Variants in COL23A1 observed in about 807,000 individuals in gnomAD.
COL23A1 encodes collagen type XXIII alpha 1 chain, also known as collagen alpha-1(XXIII) chain.
A neutral mutation model predicts 99.3 loss-of-function variants in COL23A1; 97 were observed. The ratio of observed to expected loss-of-function variants is 0.98; its 90% confidence interval spans 0.83 to 1.16. The LOEUF is 1.16. Ranked by LOEUF, COL23A1 falls within the 50% of genes most tolerant of loss-of-function variation. COL23A1 has a pLI of 0.00. For synonymous variants in COL23A1, 320 were observed against 308.2 expected (o/e 1.04, Z -0.40); for missense variants, 762 against 757.4 (o/e 1.01, Z -0.07).
At chr5:178,275,004 C>G (rs550887133) in intron 5 of COL23A1, among the ~76,000 whole-genome samples, 162 of 152,358 alleles carry the variant, frequency 1.1e-3, no homozygotes, top group African/African-American at 3.8e-3. Context: ...GTGTGAGAAA[C>G]AAACAAAGCT....
chr5:178,418,881 T>C (rs908379167), intron 2 of COL23A1, among the ~76,000 whole-genome samples: 3 of 152,150 alleles, frequency 2.0e-5, no homozygotes, highest in African/African-American at 7.2e-5. Context: ...ATGCAAAGAC[T>C]AGGATCATGC....
At chr5:178,316,862 A>C (rs1759009219) in intron 2 of COL23A1, among the ~76,000 whole-genome samples, 1 of 151,990 alleles carries the variant, frequency 6.6e-6, no homozygotes, top group Non-Finnish European at 1.5e-5. Context: ...AAAAAAAAAA[A>C]CGTTGCTTGG....
At chr5:178,582,020 A>G (rs1453736990) in intron 1 of COL23A1, among the ~76,000 whole-genome samples, 1 of 151,988 alleles carries the variant, frequency 6.6e-6, no homozygotes, top group Non-Finnish European at 1.5e-5. Flanking sequence ...ATCAAGACAT[A>G]GCTTGGTTAT....
chr5:178,319,398 AT>A (rs542828433), intron 2 of COL23A1, among the ~76,000 whole-genome samples: 76 of 148,898 alleles, frequency 5.1e-4, no homozygotes, highest in East Asian at 2.9e-3. Context: ...GAAAAGCTCT[AT>A]TTTTTTTTTT....
At chr5:178,421,170 A>G (rs1478467340) in intron 2 of COL23A1, among the ~76,000 whole-genome samples, 6 of 152,210 alleles carry the variant, frequency 3.9e-5, no homozygotes, top group Non-Finnish European at 5.9e-5. Flanking sequence ...TTGAAGTGCA[A>G]TATCAGTAAA....
chr5:178,315,762 CTTTTTTT>C lies in COL23A1; in HGVS notation c.362-8850_362-8844del, dbSNP rs34604670. Among the ~76,000 whole-genome samples the C allele has an allele frequency of 9.1e-3, 882 of 96,750 alleles. 8 individuals are homozygous for C. The highest frequency in any genetic ancestry group is 0.016 in the Admixed American group (136 of 8,426). The allele number at this position is 96,750 out of a possible 152,430, so 63.5% of individuals were successfully genotyped here. On this transcript the variant is annotated intron_variant, in intron 2 of 28. Coordinates refer to ENST00000390654, the MANE Select transcript of COL23A1 (RefSeq NM_173465.4). ...CAACGTTTTCTAGTAGAAGCACTGACTTTTTTTTTTTTTTTTTTTTTTCAAGACAAAT... is the reference window on the plus strand; with the variant it reads ...CAACGTTTTCTAGTAGAAGCACTGACTTTTTTTTTTTTTTTCAAGACAAAT...
chr5:178,358,095 T>G (rs903616966), intron 2 of COL23A1, among the ~76,000 whole-genome samples: 9 of 151,228 alleles, frequency 6.0e-5, no homozygotes, highest in Non-Finnish European at 1.2e-4. Flanking sequence ...CGTGTGTAGG[T>G]CTAATGTGTG....
chr5:178,567,123 A>C (rs930124565), intron 1 of COL23A1, among the ~76,000 whole-genome samples: 1 of 152,216 alleles, frequency 6.6e-6, no homozygotes, highest in African/African-American at 2.4e-5. Flanking sequence ...TGTTCTGTAC[A>C]CAGATAGATA....
Position 178,246,311 on chromosome 5 carries a change from G to T in COL23A1, c.1360-4C>A. The T allele has an allele frequency of 6.4e-7, 1 of 1,556,810 alleles. No homozygotes were observed. The highest frequency in any genetic ancestry group is 8.7e-7 in the Non-Finnish European group (1 of 1,149,382). ...GGCCCGGTGGGCCAACTGGCCCCTG[G>T]ATAGAAAAGGAATGAGTCAAGAGGC... On this transcript the variant is annotated splice_region_variant and splice_polypyrimidine_tract_variant and intron_variant, in intron 23 of 28. Coordinates refer to ENST00000390654, the MANE Select transcript of COL23A1 (RefSeq NM_173465.4).
chr5:178,341,217 C>T (rs145632497), intron 2 of COL23A1, among the ~76,000 whole-genome samples: 44 of 152,332 alleles, frequency 2.9e-4, no homozygotes, highest in African/African-American at 9.6e-4. Flanking sequence ...CTTGAACTTC[C>T]GGGCTCAAGC....
At chr5:178,410,298 A>G (rs1764992772) in intron 2 of COL23A1, among the ~76,000 whole-genome samples, 1 of 152,232 alleles carries the variant, frequency 6.6e-6, no homozygotes, top group African/African-American at 2.4e-5. Flanking sequence ...ATCACTTCCC[A>G]AAGCAATCTA....
At chr5:178,287,647 T>C (rs1213609749) in intron 5 of COL23A1, among the ~76,000 whole-genome samples, 1 of 152,204 alleles carries the variant, frequency 6.6e-6, no homozygotes, top group Non-Finnish European at 1.5e-5. Context: ...CTTCCTGCCC[T>C]GGAGGCACAA....
chr5:178,441,248 C>T (rs147485945), intron 2 of COL23A1, among the ~76,000 whole-genome samples: 1 of 152,260 alleles, frequency 6.6e-6, no homozygotes, highest in African/African-American at 2.4e-5. Context: ...CAGACCACAC[C>T]CTACAGTTAA....
At chr5:178,354,587 G>A (rs1364532852) in intron 2 of COL23A1, among the ~76,000 whole-genome samples, 1 of 152,114 alleles carries the variant, frequency 6.6e-6, no homozygotes, top group Non-Finnish European at 1.5e-5. Context: ...CGATCTGGCT[G>A]TTTAAAAATG....
intron 3 of COL23A1, among the ~76,000 whole-genome samples, chr5:178,295,768 G>A (rs1449491948): frequency 6.6e-6 from 1 of 152,254 alleles, no homozygotes; most frequent in Admixed American, 6.5e-5. Flanking sequence ...GCTGCAGATG[G>A]AATACTATGC....
intron 1 of COL23A1, among the ~76,000 whole-genome samples, chr5:178,571,807 C>T (rs968121292): frequency 3.3e-5 from 5 of 152,108 alleles, no homozygotes; most frequent in African/African-American, 1.2e-4. Context: ...CAGTGGCTCA[C>T]GCCTGTAATC....
At chr5:178,296,246 C>T (rs962006106) in intron 3 of COL23A1, among the ~76,000 whole-genome samples, 1 of 152,190 alleles carries the variant, frequency 6.6e-6, no homozygotes, top group African/African-American at 2.4e-5. Context: ...TGAAGTGCAG[C>T]CCAGATGAGA....
chr5:178,398,146 G>T (rs1367703259), intron 2 of COL23A1, among the ~76,000 whole-genome samples: 1 of 152,150 alleles, frequency 6.6e-6, no homozygotes, highest in Non-Finnish European at 1.5e-5. Flanking sequence ...TGTCAAAAGA[G>T]AGCAACTTGG....
chr5:178,413,013 C>A (rs946274443), intron 2 of COL23A1, among the ~76,000 whole-genome samples: 4 of 53,628 alleles, frequency 7.5e-5, no homozygotes, highest in Non-Finnish European at 1.4e-4. Context: ...CATAGCAAGA[C>A]CCATTTCTAC....
Sources: gnomAD v4.1 joint callset for allele counts (sites outside exome capture counted in the v4.1 genomes callset) on GRCh38, gnomAD v4.1.1 for gene constraint, MANE v1.5 for transcripts, NCBI Gene and HGNC (gene_info 2026-07-23, HGNC 2026-07-21) for gene names.